Variants in PALM2AKAP2 observed in about 807,000 individuals in gnomAD.
The protein encoded by PALM2AKAP2 is PALM2 and AKAP2 fusion, also known as PALM2-AKAP2 fusion protein.
In PALM2AKAP2, 37 loss-of-function variants were observed where a neutral mutation model predicts 71.5. The observed-to-expected ratio is 0.52, with a 90% CI of 0.40 to 0.68. PALM2AKAP2 has a LOEUF of 0.68. PALM2AKAP2 is among the 30% of genes least tolerant of loss of function. The pLI is 0.00. For synonymous variants in PALM2AKAP2, 468 were observed against 478.8 expected (o/e 0.98, Z 0.29); for missense variants, 1,224 against 1,191.8 (o/e 1.03, Z -0.40).
At chr9:109,970,662 C>T (rs1832048544) in intron 6 of PALM2AKAP2, among the ~76,000 whole-genome samples, 1 of 152,196 alleles carries the variant, frequency 6.6e-6, no homozygotes, top group Non-Finnish European at 1.5e-5. Flanking sequence ...CTGCCTTGAC[C>T]CAGGATGAGT....
intron 7 of PALM2AKAP2, among the ~76,000 whole-genome samples, chr9:110,022,821 A>G (rs927944852): frequency 6.6e-6 from 1 of 151,626 alleles, no homozygotes; most frequent in East Asian, 1.9e-4. Flanking sequence ...GAGTGAGAAC[A>G]TGTGGTGTTT....
exon 2 of PALM2AKAP2, chr9:110,137,926 T>C: frequency 1.2e-6 from 2 of 1,614,218 alleles, no homozygotes; most frequent in East Asian, 2.2e-5. Context: ...CGTTGGTTGA[T>C]GACCCCTTGG....
At chr9:109,642,862 A>G (rs1587851423) in intron 1 of PALM2AKAP2, among the ~76,000 whole-genome samples, 1 of 142,290 alleles carries the variant, frequency 7.0e-6, no homozygotes, top group Non-Finnish European at 1.5e-5. Flanking sequence ...TTTTTTTTTA[A>G]TTTATAAAGA....
At chr9:109,703,011 G>T (rs1220579467) in intron 1 of PALM2AKAP2, among the ~76,000 whole-genome samples, 1 of 152,002 alleles carries the variant, frequency 6.6e-6, no homozygotes, top group Non-Finnish European at 1.5e-5. Flanking sequence ...TAGAGATGGG[G>T]TTTCACCAAG....
intron 1 of PALM2AKAP2, among the ~76,000 whole-genome samples, chr9:110,079,378 C>T: frequency 6.6e-6 from 1 of 152,248 alleles, no homozygotes; most frequent in South Asian, 2.1e-4. Context: ...TGCCTGTAAT[C>T]CCAGCTACTC....
chr9:109,964,915 A>C (rs1414825244), intron 6 of PALM2AKAP2, among the ~76,000 whole-genome samples: 3 of 152,164 alleles, frequency 2.0e-5, no homozygotes, highest in Non-Finnish European at 2.9e-5. Flanking sequence ...GAAGGGAAGA[A>C]AATGTCTCCC....
chr9:109,748,689 G>A (rs1354192623), intron 1 of PALM2AKAP2, among the ~76,000 whole-genome samples: 2 of 152,164 alleles, frequency 1.3e-5, no homozygotes, highest in African/African-American at 2.4e-5. Context: ...GGGGTAGAGG[G>A]TGTTATATTG....
intron 6 of PALM2AKAP2, among the ~76,000 whole-genome samples, chr9:110,011,014 A>AAATAGAT (rs35212981): frequency 1.4e-5 from 1 of 69,588 alleles, no homozygotes; most frequent in African/African-American, 7.8e-5. Context: ...AAAAAAAAAA[A>AAATAGAT]ATATATATAT....
At chr9:109,844,676 C>T (rs1828801246) in intron 1 of PALM2AKAP2, among the ~76,000 whole-genome samples, 1 of 152,186 alleles carries the variant, frequency 6.6e-6, no homozygotes, top group African/African-American at 2.4e-5. Flanking sequence ...CACGTGCTCT[C>T]ACATGTGCAT....
chr9:109,731,126 A>C (rs1444239304), intron 1 of PALM2AKAP2, among the ~76,000 whole-genome samples: 3 of 152,238 alleles, frequency 2.0e-5, no homozygotes, highest in Non-Finnish European at 2.9e-5. Context: ...ACTTATATAC[A>C]TGTATACATA....
intron 1 of PALM2AKAP2, among the ~76,000 whole-genome samples, chr9:109,687,154 A>C (rs1262436753): frequency 6.6e-6 from 1 of 152,128 alleles, no homozygotes. Context: ...GTAGATTCGC[A>C]TAATTCTTAA....
At chr9:109,946,394 A>G (rs1366434093) in intron 6 of PALM2AKAP2, 1 of 152,190 alleles carries the variant, frequency 6.6e-6, no homozygotes, top group African/African-American at 2.4e-5. Flanking sequence ...TTCCTTTAAA[A>G]TAATATAATC....
chr9:109,819,843 C>A (rs1161555503), intron 1 of PALM2AKAP2, among the ~76,000 whole-genome samples: 1 of 151,994 alleles, frequency 6.6e-6, no homozygotes, highest in African/African-American at 2.4e-5. Context: ...TGTGAGATCA[C>A]CACTCATCAT....
chr9:110,128,824 T>TG (rs1299152437), intron 1 of PALM2AKAP2, among the ~76,000 whole-genome samples: 1 of 152,198 alleles, frequency 6.6e-6, no homozygotes, highest in Non-Finnish European at 1.5e-5. Flanking sequence ...CTAAGGAAAA[T>TG]GCACTTCCTT....
intron 6 of PALM2AKAP2, among the ~76,000 whole-genome samples, chr9:109,957,203 G>A (rs758773241): frequency 2.0e-5 from 3 of 152,180 alleles, no homozygotes; most frequent in East Asian, 1.9e-4. Context: ...ATTTTTCACC[G>A]ATGGAGGCTA....
At chr9:109,832,882 C>T (rs977110973) in intron 1 of PALM2AKAP2, among the ~76,000 whole-genome samples, 22 of 152,320 alleles carry the variant, frequency 1.4e-4, no homozygotes, top group East Asian at 3.9e-4. Context: ...CTGAACACTT[C>T]GGGCACTAAC....
At chr9:109,841,542 A>G (rs1427312448) in intron 1 of PALM2AKAP2, among the ~76,000 whole-genome samples, 1 of 44,748 alleles carries the variant, frequency 2.2e-5, no homozygotes, top group Non-Finnish European at 4.1e-5. Flanking sequence ...AAGGGTGGAG[A>G]GATGGAGGGG....
intron 6 of PALM2AKAP2, among the ~76,000 whole-genome samples, chr9:109,987,692 G>A (rs139528269): frequency 6.6e-6 from 1 of 152,184 alleles, no homozygotes; most frequent in East Asian, 1.9e-4. Context: ...CTATGGAGTT[G>A]TTTAATTTTA....
chr9:110,040,732 T>C (rs1833497470), intron 7 of PALM2AKAP2, among the ~76,000 whole-genome samples: 1 of 152,158 alleles, frequency 6.6e-6, no homozygotes, highest in Admixed American at 6.5e-5. Context: ...TAAGCACCAC[T>C]GGAAAAGAAA....
Sources: allele counts gnomAD v4.1 joint callset (sites outside exome capture counted in the v4.1 genomes callset), GRCh38; gene constraint gnomAD v4.1.1; transcripts MANE v1.5; gene names NCBI Gene and HGNC (gene_info 2026-07-23, HGNC 2026-07-21).